EPHB1: variants seen among roughly 807,000 people sequenced by gnomAD.
The protein encoded by EPHB1 is ephrin type-B receptor 1.
In EPHB1, 30 loss-of-function variants were observed where a neutral mutation model predicts 94.4. The observed-to-expected ratio is 0.32, with a 90% CI of 0.24 to 0.43. The LOEUF (loss-of-function observed/expected upper bound fraction) is 0.43. Among genes scored for constraint, EPHB1 ranks in the 20% least tolerant of loss-of-function variants. EPHB1 has a pLI of 1.00. For synonymous variants in EPHB1, 522 were observed against 489.1 expected, an observed-to-expected ratio of 1.07 and a Z score of -0.89; for missense variants, 1,055 against 1,308.3, an observed-to-expected ratio of 0.81 and a Z score of 2.99.
At chr3:135,136,765 T>G (rs1940634802) in intron 5 of EPHB1, among the ~76,000 whole-genome samples, 1 of 152,238 alleles carries the variant, frequency 6.6e-6, no homozygotes, top group Non-Finnish European at 1.5e-5. Flanking sequence ...CCATTTTAGC[T>G]GTCAAAAACT....
chr3:135,118,214 T>A (rs1187813285), intron 4 of EPHB1, among the ~76,000 whole-genome samples: 1 of 152,214 alleles, frequency 6.6e-6, no homozygotes, highest in Non-Finnish European at 1.5e-5. Flanking sequence ...CAGGTCAGGT[T>A]GTGAAGCACC....
At chr3:135,072,657 C>T (rs961847290) in intron 3 of EPHB1, among the ~76,000 whole-genome samples, 1 of 152,186 alleles carries the variant, frequency 6.6e-6, no homozygotes, top group African/African-American at 2.4e-5. Context: ...TCCTCTGCCT[C>T]AAAAGCTATT....
chr3:134,857,420 AT>A (rs980293916), intron 1 of EPHB1, among the ~76,000 whole-genome samples: 3 of 151,838 alleles, frequency 2.0e-5, no homozygotes, highest in African/African-American at 7.3e-5. Context: ...GGTTAGTGTG[AT>A]TGATTCACTT....
intron 1 of EPHB1, among the ~76,000 whole-genome samples, chr3:134,802,219 G>C (rs983468518): frequency 2.0e-5 from 3 of 151,792 alleles, no homozygotes; most frequent in Non-Finnish European, 2.9e-5. Flanking sequence ...GGCGGATCAC[G>C]AGGTCAGGAG....
intron 3 of EPHB1, among the ~76,000 whole-genome samples, chr3:135,074,242 C>A (rs1301295314): frequency 2.0e-5 from 3 of 152,170 alleles, no homozygotes; most frequent in African/African-American, 7.2e-5. Context: ...TCTACATTCT[C>A]CAATTGATCA....
At chr3:135,246,348 AG>A (rs1330734465) in intron 13 of EPHB1, among the ~76,000 whole-genome samples, 8 of 152,050 alleles carry the variant, frequency 5.3e-5, no homozygotes, top group Admixed American at 4.6e-4. Flanking sequence ...GAACTGGAAA[AG>A]GGTGCGGGGT....
At chr3:134,938,916 C>T (rs1230357115) in intron 2 of EPHB1, among the ~76,000 whole-genome samples, 1 of 152,146 alleles carries the variant, frequency 6.6e-6, no homozygotes, top group Non-Finnish European at 1.5e-5. Context: ...GAACTTACCC[C>T]GGGCTAAGCT....
chr3:135,217,312 C>A (rs1257034947), intron 12 of EPHB1, among the ~76,000 whole-genome samples: 1 of 152,058 alleles, frequency 6.6e-6, no homozygotes, highest in Non-Finnish European at 1.5e-5. Context: ...ACCAGCAGTG[C>A]TATGCAGAGT....
intron 3 of EPHB1, among the ~76,000 whole-genome samples, chr3:135,046,764 TTTA>T (rs1452943895): frequency 2.6e-5 from 4 of 152,228 alleles, no homozygotes; most frequent in African/African-American, 9.7e-5. Flanking sequence ...CTGTGCATCT[TTTA>T]TTCTCCTCTA....
At chr3:135,225,166 AC>A (rs1209048095) in intron 12 of EPHB1, among the ~76,000 whole-genome samples, 1 of 152,036 alleles carries the variant, frequency 6.6e-6, no homozygotes, top group African/African-American at 2.4e-5. Context: ...CCCCACCTCC[AC>A]CTGTCCTCGT....
At chr3:134,924,034 C>G (rs1371552007) in intron 1 of EPHB1, among the ~76,000 whole-genome samples, 1 of 152,184 alleles carries the variant, frequency 6.6e-6, no homozygotes, top group African/African-American at 2.4e-5. Context: ...GCCCATATAG[C>G]ACCATTGTGT....
intron 3 of EPHB1, among the ~76,000 whole-genome samples, chr3:134,988,735 T>G (rs1481267927): frequency 6.6e-6 from 1 of 152,226 alleles, no homozygotes; most frequent in Non-Finnish European, 1.5e-5. Context: ...AACCACAGAT[T>G]CTCTTTTTAT....
At chr3:135,106,732 G>A in intron 4 of EPHB1, 129 bp downstream of exon 4, 1 of 1,189,206 alleles carries the variant, frequency 8.4e-7, no homozygotes, top group East Asian at 2.5e-5. Context: ...TGGCCATGGT[G>A]CTGAAACATA....
intron 3 of EPHB1, among the ~76,000 whole-genome samples, chr3:135,039,987 C>A (rs1936783441): frequency 6.6e-6 from 1 of 152,226 alleles, no homozygotes; most frequent in African/African-American, 2.4e-5. Context: ...CTCTCACCCC[C>A]AGCCACCAAC....
intron 1 of EPHB1, among the ~76,000 whole-genome samples, chr3:134,806,819 A>C (rs1248785867): frequency 6.6e-6 from 1 of 152,200 alleles, no homozygotes; most frequent in Non-Finnish European, 1.5e-5. Context: ...TATTGGGGGA[A>C]CAGACAGGCA....
intron 3 of EPHB1, among the ~76,000 whole-genome samples, chr3:134,973,207 A>G (rs1227325156): frequency 6.6e-6 from 1 of 152,152 alleles, no homozygotes; most frequent in Non-Finnish European, 1.5e-5. Context: ...CAGACACACA[A>G]CAACAGGATT....
At chr3:135,070,114 A>G (rs1429140252) in intron 3 of EPHB1, among the ~76,000 whole-genome samples, 2 of 152,220 alleles carry the variant, frequency 1.3e-5, no homozygotes, top group South Asian at 2.1e-4. Flanking sequence ...TGAAACCACC[A>G]TCATGGAATG....
At chr3:135,197,193 T>C (rs762069302) in intron 11 of EPHB1, among the ~76,000 whole-genome samples, 17 of 152,206 alleles carry the variant, frequency 1.1e-4, no homozygotes, top group Non-Finnish European at 2.1e-4. Context: ...ACATGGTTCT[T>C]GACATGCGCC....
At chr3:135,055,419 C>T (rs1937320409) in intron 3 of EPHB1, among the ~76,000 whole-genome samples, 1 of 152,226 alleles carries the variant, frequency 6.6e-6, no homozygotes, top group Admixed American at 6.5e-5. Context: ...GTGTTCCTAG[C>T]AGTTGTCTTA....
Sources: gnomAD v4.1 joint callset for allele counts (sites outside exome capture counted in the v4.1 genomes callset) on GRCh38, gnomAD v4.1.1 for gene constraint, MANE v1.5 for transcripts, NCBI Gene and HGNC (gene_info 2026-07-23, HGNC 2026-07-21) for gene names.